The following KLHL14 variants were observed in gnomAD, a reference collection of about 807,000 sequenced individuals.
The protein encoded by KLHL14 is kelch-like protein 14.
In KLHL14, 22 loss-of-function variants were observed where a neutral mutation model predicts 64.3. That is an observed-to-expected ratio of 0.34 (90% CI 0.24 to 0.49). The LOEUF (loss-of-function observed/expected upper bound fraction) is 0.49. Ranked by LOEUF, KLHL14 falls within the 20% of genes least tolerant of loss-of-function variation. The probability of loss-of-function intolerance (pLI) is 0.99; values close to 1 mark genes in which losing one functional copy is unlikely to be tolerated. For synonymous variants in KLHL14, 322 were observed against 333.4 expected, an observed-to-expected ratio of 0.97 and a Z score of 0.37; for missense variants, 661 against 789.0, an observed-to-expected ratio of 0.84 and a Z score of 1.94.
chr18:32,744,604 A>C (rs2050215475), intron 2 of KLHL14: 1 of 152,362 alleles, frequency 6.6e-6, no homozygotes, highest in Non-Finnish European at 1.5e-5. Context: ...AGATCACGCC[A>C]TTGCATTCCA....
chr18:32,680,147 A>C lies in KLHL14; in HGVS notation c.1588+22T>G, dbSNP rs2049830918. 1 of 1,610,572 alleles carries C rather than the reference A, an allele frequency of 6.2e-7. No individual in the cohort carries two copies. The highest frequency in any genetic ancestry group is 8.5e-7 in the Non-Finnish European group (1 of 1,177,898). ...GGTGCAAATGTTATTGTGACTAAAA[A>C]ACAAAACAACAAAAAAAAGACCTTT... On this transcript the variant is annotated intron_variant, in intron 7 of 8. Transcript: ENST00000359358. The surrounding 1 kb of genome is among the most constrained non-coding windows in gnomAD (Gnocchi z 4.8).
At position 32,769,941 on chromosome 18, in the gene KLHL14, G is replaced by C; in HGVS notation, c.651C>G (p.Asn217Lys). ...CCAGCAGGGCGCGCATCTCCTCGAA[G>C]TTGAGCAGCAGCACATCCTCCACCA... ...KYLVEDVLLL[N>K]FEEMRALLDS... Residue 217 changes from asparagine to lysine, a missense_variant, in exon 2 of 9, where the codon AAC becomes AAG. Asn to Lys is a moderately conservative substitution (Grantham distance 94, BLOSUM62 0). This residue lies in a region of KLHL14 where 331 missense variants were observed against 339.0 expected (regional missense o/e 0.98). Transcript: ENST00000359358. 1.2e-6 allele frequency: 2 copies of C among 1,614,218 alleles called. No individual in the cohort carries two copies. Among genetic ancestry groups the C allele is most frequent in the Non-Finnish European group, 8.5e-7 (1 of 1,180,052 alleles).
chr18:32,730,174 G>A (rs1387651089), intron 3 of KLHL14, among the ~76,000 whole-genome samples: 1 of 152,228 alleles, frequency 6.6e-6, no homozygotes, highest in Non-Finnish European at 1.5e-5. Flanking sequence ...GAGAAGTATA[G>A]CCTGCTTCAC....
Position 32,683,227 on chromosome 18 carries a change from G to A in KLHL14, c.1239-2628C>T, listed in dbSNP as rs1030267475. Among the ~76,000 whole-genome samples, 1 of 152,168 alleles carries A rather than the reference G, an allele frequency of 6.6e-6. No individual in the cohort carries two copies. Among genetic ancestry groups the A allele is most frequent in the African/African-American group, 2.4e-5 (1 of 41,436 alleles). ...GCGTTCTTCATGCGACACTTCGTGT[G>A]TACTCCTAGCTTTATCCACACAGTG... On this transcript the variant is annotated intron_variant, in intron 5 of 8. Transcript: ENST00000359358. This position sits in a 1 kb window ranked among gnomAD's most constrained non-coding sequence, Gnocchi z 4.2.
chr18:32,696,449 C>T (rs1479113820), intron 3 of KLHL14, among the ~76,000 whole-genome samples: 1 of 152,188 alleles, frequency 6.6e-6, no homozygotes, highest in Admixed American at 6.5e-5. Context: ...TAAACGTATA[C>T]AGCATTAGTT....
intron 3 of KLHL14, among the ~76,000 whole-genome samples, chr18:32,698,916 G>A (rs2049949418): frequency 1.3e-5 from 2 of 152,246 alleles, no homozygotes; most frequent in South Asian, 2.1e-4. Context: ...AATTAAGAAA[G>A]TAGGAATCAG....
intron 5 of KLHL14, among the ~76,000 whole-genome samples, chr18:32,685,219 G>C (rs2049871229): frequency 6.6e-6 from 1 of 151,974 alleles, no homozygotes; most frequent in African/African-American, 2.4e-5. Context: ...TGCCATGATA[G>C]GCCATAGTGC....
At chr18:32,716,847 T>G (rs1034814406) in intron 3 of KLHL14, among the ~76,000 whole-genome samples, 2 of 152,236 alleles carry the variant, frequency 1.3e-5, no homozygotes, top group African/African-American at 2.4e-5. Flanking sequence ...AATATGACTT[T>G]TGTAGATATA....
chr18:32,768,309 C>T (rs1328252650), intron 2 of KLHL14, among the ~76,000 whole-genome samples: 1 of 151,932 alleles, frequency 6.6e-6, no homozygotes, highest in Non-Finnish European at 1.5e-5. Context: ...CTCTCCTTAA[C>T]ACAAGAGCTG....
chr18:32,672,937 G>C lies in KLHL14; in HGVS notation c.*1720C>G, dbSNP rs944881600. Reference sequence around the variant, plus strand: ...CAAATTGTGACTTTTGGAAGAAACAGTGACAGTTGACAACAAAAGGTTCTG... The same window carrying C: ...CAAATTGTGACTTTTGGAAGAAACACTGACAGTTGACAACAAAAGGTTCTG... On this transcript the variant is annotated 3_prime_UTR_variant, in exon 9 of 9. Transcript: ENST00000359358. 2 of 152,606 alleles carry C rather than the reference G, an allele frequency of 1.3e-5. No individual in the cohort carries two copies. The highest frequency in any genetic ancestry group is 2.4e-5 in the African/African-American group (1 of 41,450). 9.5% of individuals were successfully genotyped at this position (152,606 alleles called of 1,614,324 possible).
At chr18:32,721,015 T>C (rs1190419142) in intron 3 of KLHL14, among the ~76,000 whole-genome samples, 1 of 152,158 alleles carries the variant, frequency 6.6e-6, no homozygotes, top group Admixed American at 6.5e-5. Flanking sequence ...CAAATGGAAA[T>C]ATGGGAGAAT....
chr18:32,760,339 T>TACACACACACAC (rs60814600), intron 2 of KLHL14, among the ~76,000 whole-genome samples: 271 of 146,930 alleles, frequency 1.8e-3, no homozygotes, highest in African/African-American at 4.7e-3. Flanking sequence ...CACACAGACA[T>TACACACACACAC]ACACACACAC....
intron 3 of KLHL14, among the ~76,000 whole-genome samples, chr18:32,704,416 A>C (rs1213054503): frequency 6.6e-6 from 1 of 152,118 alleles, no homozygotes; most frequent in Non-Finnish European, 1.5e-5. Flanking sequence ...AGGTATCAGA[A>C]GGTCTAATTG....
chr18:32,677,133 A>G, intron 8 of KLHL14, 40 bp downstream of exon 8: 1 of 1,589,528 alleles, frequency 6.3e-7, no homozygotes, highest in Non-Finnish European at 8.6e-7. Context: ...ACGTAAGCAC[A>G]AACGAAATAA....
At chr18:32,735,318 T>C (rs1245717701) in intron 3 of KLHL14, among the ~76,000 whole-genome samples, 1 of 152,144 alleles carries the variant, frequency 6.6e-6, no homozygotes, top group African/African-American at 2.4e-5. Context: ...ACCCTGCCAT[T>C]AAATCACTGT....
At chr18:32,738,502 T>G (rs2050177999) in intron 3 of KLHL14, 1 of 152,172 alleles carries the variant, frequency 6.6e-6, no homozygotes, top group Admixed American at 6.5e-5. Context: ...AATGCCAAAC[T>G]TATAATGTTA....
intron 2 of KLHL14, chr18:32,743,170 G>C (rs1462086964): frequency 6.6e-6 from 1 of 152,232 alleles, no homozygotes; most frequent in Non-Finnish European, 1.5e-5. Context: ...GGCTCAAGGT[G>C]ATGGTGGAAG....
chr18:32,769,611 C>A (rs1331004781), intron 2 of KLHL14, 34 bp downstream of exon 2: 3 of 1,121,052 alleles, frequency 2.7e-6, no homozygotes, highest in Non-Finnish European at 3.7e-6. Context: ...GCTCTACCCC[C>A]CCCTCCCCCG....
At chr18:32,721,813 T>C (rs2050081280) in intron 3 of KLHL14, among the ~76,000 whole-genome samples, 1 of 152,172 alleles carries the variant, frequency 6.6e-6, no homozygotes, top group Admixed American at 6.5e-5. Context: ...CCCGCCTACC[T>C]GACTCACCCA....
Sources: gnomAD v4.1 joint callset for allele counts (sites outside exome capture counted in the v4.1 genomes callset) on GRCh38, gnomAD v4.1.1 for gene constraint, gnomAD v4.1.1 regional missense constraint, Gnocchi (gnomAD v3.1) non-coding constraint, MANE v1.5 for transcripts, NCBI Gene and HGNC (gene_info 2026-07-23, HGNC 2026-07-21) for gene names.